NARF: variants seen among roughly 807,000 people sequenced by gnomAD.
NARF encodes nuclear prelamin A recognition factor.
In NARF, 41 loss-of-function variants were observed where a neutral mutation model predicts 48.0. The observed-to-expected ratio is 0.85, with a 90% CI of 0.66 to 1.11. The LOEUF is 1.11. NARF is among the 50% of genes least tolerant of loss of function. NARF has a pLI of 0.00. For missense variants in NARF, 613 were observed against 590.2 expected (o/e 1.04, Z -0.40); for synonymous variants, 215 against 225.5 (o/e 0.95, Z 0.42).
At chr17:82,481,018 G>GC in intron 6 of NARF, 64 bp from the exon 7 acceptor site, 1 of 1,607,086 alleles carries the variant, frequency 6.2e-7, no homozygotes, top group South Asian at 1.1e-5. Context: ...CTTGTTCTGG[G>GC]CACCAAGCGT....
intron 2 of NARF, among the ~76,000 whole-genome samples, chr17:82,461,428 A>G (rs1567927172): frequency 6.6e-6 from 1 of 152,180 alleles, no homozygotes; most frequent in African/African-American, 2.4e-5. Flanking sequence ...CCTGACCAAC[A>G]TAGATAAACC....
rs934080403 is a variant in NARF, at chr17:82,482,158, A to G, written c.769+947A>G. On this transcript the variant is annotated intron_variant, in intron 7 of 10. Transcript: ENST00000309794. ...TTGGTCTCTGAAAACAGGTCCCTGCAGGTATTTAGATCAGTGGTAGATGAG... is the reference window on the plus strand; with the variant it reads ...TTGGTCTCTGAAAACAGGTCCCTGCGGGTATTTAGATCAGTGGTAGATGAG... 5.8e-5 allele frequency: 19 copies of G among 327,388 alleles called. No individual in the cohort carries two copies. The Admixed American group carries it at 8.1e-4, about 14-fold the overall frequency. 20.3% of individuals were successfully genotyped at this position (327,388 alleles called of 1,614,324 possible).
chr17:82,464,296 T>C lies in NARF; in HGVS notation c.118T>C (p.Phe40Leu), dbSNP rs746015458. The change falls in exon 3 of 11, where the codon TTC becomes CTC. Residue 40 changes from phenylalanine to leucine, a missense_variant. Phe to Leu is a conservative substitution (Grantham distance 22). Coordinates refer to ENST00000309794, the MANE Select transcript of NARF (RefSeq NM_012336.4). Reference protein sequence around the residue: ...PAQENGEKGEFHKLADAKIFL... With the variant: ...PAQENGEKGELHKLADAKIFL... The stretch of plus-strand genomic sequence containing the variant: ...ACGTCATCTTTCATAGAAGGGAGAA[T>C]TCCACAAGTTGGCTGATGCCAAGAT... 1.2e-6 allele frequency: 2 copies of C among 1,613,152 alleles called. No individual in the cohort carries two copies. Among genetic ancestry groups the C allele is most frequent in the East Asian group, 2.2e-5 (1 of 44,876 alleles).
chr17:82,484,624 C>A, intron 8 of NARF, 189 bp from the exon 9 acceptor site: 1 of 577,430 alleles, frequency 1.7e-6, no homozygotes, highest in Non-Finnish European at 2.8e-6. Flanking sequence ...GCCCGAGCAT[C>A]AGGCAGGCCC....
intron 3 of NARF, among the ~76,000 whole-genome samples, chr17:82,466,608 A>C (rs2043574554): frequency 6.6e-6 from 1 of 152,110 alleles, no homozygotes; most frequent in African/African-American, 2.4e-5. Context: ...AGGCACCACC[A>C]TGCCCAGCTA....
At chr17:82,474,600 G>T (rs1354531902) in intron 5 of NARF, among the ~76,000 whole-genome samples, 1 of 152,178 alleles carries the variant, frequency 6.6e-6, no homozygotes, top group Non-Finnish European at 1.5e-5. Flanking sequence ...TCACGTTTCA[G>T]TTCTTAATTT....
chr17:82,485,639 C>G lies in NARF; in HGVS notation c.1114C>G (p.Leu372Val), dbSNP rs556537913. Residue 372 changes from leucine (L) to valine (V), a missense_variant, in exon 10 of 11, where the codon CTC (leucine) becomes GTC (valine). Coordinates refer to ENST00000309794, the MANE Select transcript of NARF (RefSeq NM_012336.4). The part of the protein sequence containing the change: ...GKFPFHFVEV[L>V]ACAGGCLNGR... ...GTTCCCATTCCACTTTGTGGAGGTC[C>G]TCGCCTGTGCTGGAGGTGAGGCGCC... is the stretch of plus-strand genomic sequence containing the variant. The G allele has an allele frequency of 3.1e-6, 5 of 1,613,978 alleles. No individual in the cohort carries two copies. Among genetic ancestry groups the G allele is most frequent in the Non-Finnish European group, 4.2e-6 (5 of 1,180,024 alleles).
chr17:82,480,253 A>T (rs950370359), intron 6 of NARF, among the ~76,000 whole-genome samples: 2 of 151,986 alleles, frequency 1.3e-5, no homozygotes, highest in Non-Finnish European at 2.9e-5. Flanking sequence ...GCTTGGGAAG[A>T]TTCAGGAAAG....
chr17:82,469,498 G>A (rs1218050994), intron 4 of NARF, among the ~76,000 whole-genome samples: 2 of 152,200 alleles, frequency 1.3e-5, no homozygotes, highest in Non-Finnish European at 2.9e-5. Flanking sequence ...TTATAGAGGG[G>A]CTTTTACAGC....
intron 3 of NARF, among the ~76,000 whole-genome samples, chr17:82,465,988 A>G (rs561216164): frequency 6.6e-6 from 1 of 152,208 alleles, no homozygotes; most frequent in African/African-American, 2.4e-5. Context: ...GGCTGCCTGG[A>G]TAGGATGGTC....
intron 3 of NARF, among the ~76,000 whole-genome samples, chr17:82,466,781 C>T (rs1250867631): frequency 1.3e-5 from 2 of 151,960 alleles, no homozygotes; most frequent in East Asian, 3.9e-4. Context: ...TTGAAAAAAT[C>T]AAATTGTTCC....
intron 10 of NARF, among the ~76,000 whole-genome samples, chr17:82,486,252 A>C (rs1457364494): frequency 6.6e-6 from 1 of 152,116 alleles, no homozygotes; most frequent in East Asian, 1.9e-4. Context: ...AGGGTGTGTC[A>C]GGGAAGAAGG....
intron 2 of NARF, among the ~76,000 whole-genome samples, chr17:82,461,963 C>A (rs1331447532): frequency 6.6e-6 from 1 of 152,146 alleles, no homozygotes; most frequent in African/African-American, 2.4e-5. Context: ...GCATTGGAGC[C>A]CTGGAGGCAG....
intron 4 of NARF, among the ~76,000 whole-genome samples, chr17:82,469,262 T>C (rs112744750): frequency 0.015 from 2,261 of 152,310 alleles, 63 homozygotes; most frequent in African/African-American, 0.052. Flanking sequence ...TGATAAACAG[T>C]CACTTCTGAA....
chr17:82,470,191 G>C (rs1013821073), intron 4 of NARF, among the ~76,000 whole-genome samples: 1 of 152,180 alleles, frequency 6.6e-6, no homozygotes, highest in South Asian at 2.1e-4. Flanking sequence ...GATGCTCCCT[G>C]TGCCCTAGGC....
At chr17:82,485,089 T>C (rs1399958920) in intron 9 of NARF, 139 bp downstream of exon 9, 2 of 1,156,638 alleles carry the variant, frequency 1.7e-6, no homozygotes, top group East Asian at 5.4e-5. Context: ...TTGTGTTTAT[T>C]CAGACCTTTT....
chr17:82,472,716 C>T lies in NARF; in HGVS notation c.520+18C>T, dbSNP rs200462533. 735 of 1,604,518 alleles carry T rather than the reference C, an allele frequency of 4.6e-4. 5 individuals are homozygous for T. Among genetic ancestry groups the T allele is most frequent in the Non-Finnish European group, 2.2e-4 (258 of 1,176,780 alleles). ...CTGTCCTGGTGAGCCCCTGGACCCC[C>T]GCTCTGTTGGCCTGAGGTGCCAAAA... On this transcript the variant is annotated intron_variant, in intron 5 of 10. Coordinates refer to ENST00000309794, the MANE Select transcript of NARF (RefSeq NM_012336.4).
intron 7 of NARF, chr17:82,481,674 A>G: frequency 2.6e-6 from 1 of 383,214 alleles, no homozygotes; most frequent in Non-Finnish European, 5.0e-6. Context: ...AGGTTGCAGT[A>G]AGCCGAGATC....
At chr17:82,471,741 G>A (rs1323139904) in intron 4 of NARF, among the ~76,000 whole-genome samples, 1 of 137,178 alleles carries the variant, frequency 7.3e-6, no homozygotes, top group Non-Finnish European at 1.5e-5. Flanking sequence ...GCAGTGAGCC[G>A]GGATAGCGCC....
Sources: gnomAD v4.1 joint callset for allele counts (sites outside exome capture counted in the v4.1 genomes callset) on GRCh38, gnomAD v4.1.1 for gene constraint, MANE v1.5 for transcripts, NCBI Gene and HGNC (gene_info 2026-07-23, HGNC 2026-07-21) for gene names.